RARB: variants seen among roughly 807,000 people sequenced by gnomAD.
RARB encodes the protein HBV-activated protein.
A neutral mutation model predicts 51.9 loss-of-function variants in RARB; 17 were observed. The ratio of observed to expected loss-of-function variants is 0.33; its 90% CI spans 0.22 to 0.49. The LOEUF is 0.49. Ranked by LOEUF, RARB falls within the 20% of genes least tolerant of loss-of-function variation. The probability of loss-of-function intolerance (pLI) is 0.99; values close to 1 mark genes in which losing one functional copy is unlikely to be tolerated. For missense variants in RARB, 369 were observed against 550.8 expected, an observed-to-expected ratio of 0.67 and a Z score of 3.30; for synonymous variants, 215 against 195.4, an observed-to-expected ratio of 1.10 and a Z score of -0.84.
chr3:25,574,835 A>G (rs372493236), intron 4 of RARB, among the ~76,000 whole-genome samples: 1 of 152,158 alleles, frequency 6.6e-6, no homozygotes, highest in Non-Finnish European at 1.5e-5. Flanking sequence ...TTTGCCATCA[A>G]CCAGAGGAGC....
At chr3:25,196,068 C>A (rs1214175239) in intron 5 of RARB, among the ~76,000 whole-genome samples, 1 of 151,706 alleles carries the variant, frequency 6.6e-6, no homozygotes, top group Non-Finnish European at 1.5e-5. Flanking sequence ...AGAATCAGCT[C>A]TAAAATTTTT....
intron 3 of RARB, among the ~76,000 whole-genome samples, chr3:25,099,937 G>T (rs1699368739): frequency 1.3e-5 from 2 of 152,128 alleles, no homozygotes; most frequent in African/African-American, 4.8e-5. Context: ...GACTACCTTG[G>T]CTCCTTGGCC....
In RARB at chr3:25,492,707, C is replaced by G. The variant is rs1019384003; in HGVS notation, c.307-8475C>G. On this transcript the variant is annotated intron_variant, in intron 2 of 7. Transcript: ENST00000330688. The stretch of plus-strand genomic sequence containing the variant: ...GATGATGTTTTGCTAAACCTGTAAT[C>G]TCTGCCTTCTTTAGAACCATTTTTC... 2.0e-5 allele frequency among the ~76,000 whole-genome samples: 3 copies of G among 152,186 alleles called. No homozygotes were observed. The South Asian group carries it at 6.2e-4, about 32-fold the overall frequency.
intron 1 of RARB, among the ~76,000 whole-genome samples, chr3:25,453,332 C>T (rs1709279721): frequency 6.6e-6 from 1 of 150,800 alleles, no homozygotes; most frequent in Admixed American, 6.6e-5. Context: ...ACTGCAACCT[C>T]CGCCTCCCGG....
rs116110202 is a variant in RARB at position 25,220,849 on chromosome 3, G to A, written c.178+46274G>A. Among the ~76,000 whole-genome samples, 251 of 152,232 alleles carry A rather than the reference G, an allele frequency of 1.6e-3. 3 individuals are homozygous for A. The highest frequency in any genetic ancestry group is 6.8e-3 in the Middle Eastern group (2 of 294). On this transcript the variant is annotated intron_variant, in intron 5 of 11. Coordinates refer to the RARB transcript ENST00000383772. ...CCACTTACTTCTTATGTGATATTGG[G>A]CAAGTCATCTTTTAAGTGGAGATGG...
intron 2 of RARB, among the ~76,000 whole-genome samples, chr3:24,901,563 T>A (rs1041802076): frequency 5.3e-5 from 8 of 152,208 alleles, no homozygotes; most frequent in African/African-American, 1.9e-4. Flanking sequence ...AAAATAAAAA[T>A]GTAACTATAT....
chr3:25,457,364 A>T (rs886314648), intron 1 of RARB, among the ~76,000 whole-genome samples: 1 of 152,246 alleles, frequency 6.6e-6, no homozygotes, highest in Non-Finnish European at 1.5e-5. Context: ...ATGATTGAAC[A>T]CATGAACAGT....
At chr3:24,961,932 T>C (rs1412745196) in intron 2 of RARB, among the ~76,000 whole-genome samples, 4 of 128,076 alleles carry the variant, frequency 3.1e-5, no homozygotes, top group African/African-American at 1.2e-4. Flanking sequence ...TTTTTTTTTT[T>C]TTTTTTTTTT....
intron 3 of RARB, among the ~76,000 whole-genome samples, chr3:25,065,791 A>G (rs1698649158): frequency 6.6e-6 from 1 of 152,222 alleles, no homozygotes; most frequent in Admixed American, 6.5e-5. Context: ...GGGCTCACGC[A>G]TAGAAGGAAG....
chr3:24,875,910 C>T (rs1180949574), intron 2 of RARB, among the ~76,000 whole-genome samples: 2 of 152,052 alleles, frequency 1.3e-5, no homozygotes, highest in African/African-American at 4.8e-5. Flanking sequence ...CTCCCTTGTC[C>T]TTCAAGGTCT....
intron 5 of RARB, among the ~76,000 whole-genome samples, chr3:25,287,676 C>T (rs770417609): frequency 6.6e-6 from 1 of 152,146 alleles, no homozygotes; most frequent in Non-Finnish European, 1.5e-5. Context: ...TCAACTGATG[C>T]AATGCATGGA....
intron 3 of RARB, among the ~76,000 whole-genome samples, chr3:25,124,186 A>T (rs1214056522): frequency 6.6e-6 from 1 of 152,184 alleles, no homozygotes; most frequent in Non-Finnish European, 1.5e-5. Flanking sequence ...CATCCTGGCC[A>T]ACATAGTGAA....
chr3:24,961,971 C>T (rs1158665397), intron 2 of RARB, among the ~76,000 whole-genome samples: 3 of 115,332 alleles, frequency 2.6e-5, no homozygotes, highest in African/African-American at 1.0e-4. Context: ...GCTCTGTCGC[C>T]CAGGCTAGAG....
chr3:25,107,048 G>A (rs1699520454), intron 3 of RARB, among the ~76,000 whole-genome samples: 1 of 152,046 alleles, frequency 6.6e-6, no homozygotes. Context: ...TTACAGGTAA[G>A]CACCACTATA....
intron 2 of RARB, among the ~76,000 whole-genome samples, chr3:24,952,122 C>G (rs1350621476): frequency 6.6e-6 from 1 of 152,078 alleles, no homozygotes; most frequent in East Asian, 1.9e-4. Flanking sequence ...ATGCTATAAT[C>G]CTAGCACTTT....
chr3:25,055,174 T>G (rs912923202), intron 2 of RARB, among the ~76,000 whole-genome samples: 1 of 152,148 alleles, frequency 6.6e-6, no homozygotes, highest in East Asian at 1.9e-4. Context: ...AAATTTAAAA[T>G]ACACAACCAT....
In RARB at chr3:25,487,237, A is replaced by C. The variant is rs117973069; in HGVS notation, c.307-13945A>C. On this transcript the variant is annotated intron_variant, in intron 2 of 7. Transcript: ENST00000330688. Reference sequence around the variant, plus strand: ...CAACTCCAGGTTTTCGCTTCCATGGAAGTGTGTTAAAGTTATGTCCACTAA... The same window carrying C: ...CAACTCCAGGTTTTCGCTTCCATGGCAGTGTGTTAAAGTTATGTCCACTAA... Among the ~76,000 whole-genome samples, 48 of 152,280 alleles carry C rather than the reference A, an allele frequency of 3.2e-4. No homozygotes were observed. The East Asian group carries it at 8.5e-3, about 27-fold the overall frequency.
chr3:24,994,761 A>C (rs1281911020), intron 2 of RARB, among the ~76,000 whole-genome samples: 1 of 152,038 alleles, frequency 6.6e-6, no homozygotes, highest in Non-Finnish European at 1.5e-5. Flanking sequence ...CTCTTTCCCC[A>C]TTGTATGTTC....
At chr3:24,946,812 C>T (rs1308962730) in intron 2 of RARB, among the ~76,000 whole-genome samples, 2 of 152,140 alleles carry the variant, frequency 1.3e-5, no homozygotes, top group Admixed American at 6.5e-5. Context: ...CTGCAGTGAG[C>T]AATGACATTG....
Sources: gnomAD v4.1 joint callset for allele counts (sites outside exome capture counted in the v4.1 genomes callset) on GRCh38, gnomAD v4.1.1 for gene constraint, MANE v1.5 for transcripts, NCBI Gene and HGNC (gene_info 2026-07-23, HGNC 2026-07-21) for gene names.